Variants in TJP1 observed in about 807,000 individuals in gnomAD.
TJP1 encodes the protein tight junction protein 1.
Under a neutral mutation model 194.2 loss-of-function variants are expected in TJP1, and 43 were observed. The observed-to-expected ratio is 0.22, with a 90% CI of 0.17 to 0.29. The LOEUF (loss-of-function observed/expected upper bound fraction) is 0.29. Ranked by LOEUF, TJP1 falls within the 10% of genes least tolerant of loss-of-function variation. The pLI is 1.00. For synonymous variants in TJP1, 801 were observed against 779.0 expected, an observed-to-expected ratio of 1.03 and a Z score of -0.47; for missense variants, 1,971 against 2,185.7, an observed-to-expected ratio of 0.90 and a Z score of 1.96.
Position 29,708,644 on chromosome 15 carries a change from C to T in TJP1, c.4765G>A (p.Gly1589Arg). 1 of 1,614,186 alleles carries T rather than the reference C, an allele frequency of 6.2e-7. No homozygotes were observed. The change falls in exon 25 of 28, where the codon GGA (glycine) becomes AGA (arginine). Residue 1589 changes from glycine (G) to arginine (R), a missense_variant. Gly to Arg is a moderately radical substitution (Grantham distance 125). Transcript: ENST00000614355. ...SLAQPPEFDSGVETFSIHAEK... is the reference protein window; with the variant it reads ...SLAQPPEFDSRVETFSIHAEK... ...GCATGGATAGAGAAAGTTTCAACTC[C>T]ACTGTCAAACTCAGGAGGCTGTGCC...
intron 2 of TJP1, among the ~76,000 whole-genome samples, chr15:29,777,213 T>A (rs995509071): frequency 6.6e-6 from 1 of 152,196 alleles, no homozygotes; most frequent in African/African-American, 2.4e-5. Flanking sequence ...AAAACTGAAA[T>A]TGTTCTTTTA....
rs760890430 is a variant in TJP1, at chr15:29,734,426, T to A, written c.1408-44A>T. 35 of 1,426,424 alleles carry A rather than the reference T, an allele frequency of 2.5e-5. No homozygotes were observed. The Admixed American group carries it at 6.4e-4, about 26-fold the overall frequency. The allele number at this position is 1,426,424 out of a possible 1,614,324, so 88.4% of individuals were successfully genotyped here. On this transcript the variant is annotated intron_variant, in intron 11 of 27. Transcript: ENST00000614355. ...TAAATCATTCTTGGCTGTTTAAGAATATGAAAATAACATACGCAGGACACA... is the reference window on the plus strand; with the variant it reads ...TAAATCATTCTTGGCTGTTTAAGAAAATGAAAATAACATACGCAGGACACA...
At chr15:29,897,639 G>A (rs527474548) in intron 2 of TJP1, among the ~76,000 whole-genome samples, 4 of 152,314 alleles carry the variant, frequency 2.6e-5, no homozygotes, top group East Asian at 1.9e-4. Flanking sequence ...AAAGCAGCTG[G>A]GAGGGAGGTG....
At chr15:29,728,111 C>G in intron 15 of TJP1, 92 bp from the exon 16 acceptor site, 1 of 989,524 alleles carries the variant, frequency 1.0e-6, no homozygotes, top group South Asian at 1.4e-5. Flanking sequence ...ATATGCCGGA[C>G]TGGATAGTAC....
At chr15:29,789,120 CT>C (rs199818430) in intron 2 of TJP1, among the ~76,000 whole-genome samples, 1 of 150,948 alleles carries the variant, frequency 6.6e-6, no homozygotes, top group South Asian at 2.1e-4. Flanking sequence ...ACCTGTTTTT[CT>C]TTTTTTTTAC....
At chr15:29,888,349 A>G (rs2053192080) in intron 2 of TJP1, among the ~76,000 whole-genome samples, 1 of 152,176 alleles carries the variant, frequency 6.6e-6, no homozygotes, top group African/African-American at 2.4e-5. Context: ...ATAGGAATAT[A>G]CACACACACA....
chr15:29,737,323 C>G lies in TJP1; in HGVS notation c.1348G>C (p.Val450Leu). Residue 450 changes from valine (V) to leucine (L), a missense_variant, in exon 11 of 28, where the codon GTT becomes CTT. Val to Leu is a conservative substitution (Grantham distance 32). Coordinates refer to ENST00000614355, the MANE Select transcript of TJP1 (RefSeq NM_001330239.4). ...TTGGCTGCAGGGCTATCTTCTAGAA[C>G]GCCAGCTACAAATATTCCAACATCA... ...GNDVGIFVAG[V>L]LEDSPAAKEG... The G allele has an allele frequency of 6.2e-7, 1 of 1,614,202 alleles. No individual in the cohort carries two copies. Among genetic ancestry groups the G allele is most frequent in the Non-Finnish European group, 8.5e-7 (1 of 1,180,028 alleles).
At chr15:29,893,206 G>C (rs1309782090) in intron 2 of TJP1, among the ~76,000 whole-genome samples, 11 of 152,182 alleles carry the variant, frequency 7.2e-5, no homozygotes, top group Non-Finnish European at 1.5e-4. Context: ...GCCTGAAGAT[G>C]TGACTGAATT....
chr15:29,949,394 A>ACCACCTCCACAACCACCACCT (rs2055458226), intron 2 of TJP1, among the ~76,000 whole-genome samples: 1 of 128,892 alleles, frequency 7.8e-6, no homozygotes, highest in African/African-American at 2.8e-5. Context: ...CTCCACCACC[A>ACCACCTCCACAACCACCACCT]CCACCTCCAC....
chr15:29,784,317 G>A (rs185274866), intron 2 of TJP1, among the ~76,000 whole-genome samples: 5 of 150,162 alleles, frequency 3.3e-5, no homozygotes, highest in Admixed American at 6.6e-5. Context: ...TTTTTCTTTT[G>A]AGACAGAGTT....
rs1388210988 is a variant in TJP1 at position 29,720,385 on chromosome 15, G to C, written c.2736C>G (p.Ser912=). The stretch of plus-strand genomic sequence containing the variant: ...GTTGAGAGGCTGGCTTAAATCCAGG[G>C]GAGTCTATTCTATGAATTGGTTGTG... ...AQPQPIHRID[S]PGFKPASQQK... Residue 912 remains serine, a synonymous_variant, in exon 19 of 28, where the codon TCC becomes TCG. Coordinates refer to ENST00000614355, the MANE Select transcript of TJP1 (RefSeq NM_001330239.4). 1.2e-6 allele frequency: 2 copies of C among 1,602,574 alleles called. No homozygotes were observed. Among genetic ancestry groups the C allele is most frequent in the East Asian group, 2.2e-5 (1 of 44,756 alleles).
chr15:29,871,651 C>T (rs1041888589), intron 2 of TJP1, among the ~76,000 whole-genome samples: 7 of 152,344 alleles, frequency 4.6e-5, no homozygotes, highest in East Asian at 1.9e-4. Context: ...CCAAGCTGCA[C>T]GTGAAAAAGC....
upstream of TJP1, among the ~76,000 whole-genome samples, chr15:29,827,157 T>C (rs939538562): frequency 1.4e-4 from 22 of 152,174 alleles, no homozygotes; most frequent in African/African-American, 5.3e-4. Flanking sequence ...GGCAATCTCT[T>C]GGTGAGGGTG....
chr15:29,772,280 T>C, intron 3 of TJP1, 114 bp from the exon 4 acceptor site: 1 of 603,322 alleles, frequency 1.7e-6, no homozygotes, highest in Non-Finnish European at 2.8e-6. Flanking sequence ...AGCCAATTAA[T>C]TAATTTCTCT....
intron 2 of TJP1, among the ~76,000 whole-genome samples, chr15:29,919,205 A>C (rs1718981): frequency 0.096 from 14,584 of 152,284 alleles, 1,488 homozygotes; most frequent in African/African-American, 0.26. Context: ...TCTGTACCTA[A>C]GCAAATCATG....
At chr15:29,712,044 G>A (rs902118207) in intron 23 of TJP1, among the ~76,000 whole-genome samples, 2 of 152,102 alleles carry the variant, frequency 1.3e-5, no homozygotes, top group African/African-American at 4.8e-5. Flanking sequence ...ATTGCCAATT[G>A]TTAATATGTA....
chr15:29,822,239 G>T lies in TJP1; in HGVS notation c.-211C>A. On this transcript the variant is annotated 5_prime_UTR_variant, in exon 1 of 28. Coordinates refer to ENST00000614355, the MANE Select transcript of TJP1 (RefSeq NM_001330239.4). ...CCGCCCCGCCCGGGTCTTCTCCACGGGGCGCGCCCGACCGGCACCTCCCTC... is the reference window on the plus strand; with the variant it reads ...CCGCCCCGCCCGGGTCTTCTCCACGTGGCGCGCCCGACCGGCACCTCCCTC... 8.5e-7 allele frequency: 1 copy of T among 1,174,140 alleles called. No individual in the cohort carries two copies. The highest frequency in any genetic ancestry group is 1.1e-6 in the Non-Finnish European group (1 of 950,764). 72.7% of individuals were successfully genotyped at this position (1,174,140 alleles called of 1,614,324 possible).
chr15:29,950,477 C>T (rs2055705730), intron 2 of TJP1, among the ~76,000 whole-genome samples: 1 of 152,258 alleles, frequency 6.6e-6, no homozygotes, highest in African/African-American at 2.4e-5. Context: ...ACCATGACCT[C>T]CACCTCCACC....
At chr15:29,849,490 A>C (rs1219792933) in intron 2 of TJP1, among the ~76,000 whole-genome samples, 1 of 151,668 alleles carries the variant, frequency 6.6e-6, no homozygotes, top group African/African-American at 2.4e-5. Context: ...TGTAATCCCA[A>C]CATTTTGGGA....
Sources: allele counts gnomAD v4.1 joint callset (sites outside exome capture counted in the v4.1 genomes callset), GRCh38; gene constraint gnomAD v4.1.1; transcripts MANE v1.5; gene names NCBI Gene and HGNC (gene_info 2026-07-23, HGNC 2026-07-21).